The following ADAMTS2 variants were observed in gnomAD, a reference collection of about 807,000 sequenced individuals.
ADAMTS2 encodes A disintegrin and metalloproteinase with thrombospondin motifs 2.
A neutral mutation model predicts 123.0 loss-of-function variants in ADAMTS2; 50 were observed. The observed-to-expected ratio is 0.41, with a 90% CI of 0.32 to 0.51. ADAMTS2 has a LOEUF of 0.51. Ranked by LOEUF, ADAMTS2 falls within the 20% of genes least tolerant of loss-of-function variation. The probability of loss-of-function intolerance (pLI) is 0.35; values close to 1 mark genes in which losing one functional copy is unlikely to be tolerated. For synonymous variants in ADAMTS2, 678 were observed against 695.4 expected, an observed-to-expected ratio of 0.98 and a Z score of 0.39; for missense variants, 1,494 against 1,705.2, an observed-to-expected ratio of 0.88 and a Z score of 2.18.
At chr5:179,156,819 T>A (rs1378257414) in intron 6 of ADAMTS2, among the ~76,000 whole-genome samples, 1 of 152,212 alleles carries the variant, frequency 6.6e-6, no homozygotes, top group Non-Finnish European at 1.5e-5. Context: ...GTCTCTAAAT[T>A]ATCTCTATTT....
rs1050770059 is a variant in ADAMTS2, at chr5:179,272,043, C to G, written c.688+868G>C. ...TGAGGGCTGAGCTCGCAGCTTCCCA[C>G]TCTCCCAGCAAGAGCCAAGCACAGG... On this transcript the variant is annotated intron_variant, in intron 3 of 21. Transcript: ENST00000251582. This position sits in a 1 kb window ranked among gnomAD's most constrained non-coding sequence, Gnocchi z 5.8. Among the ~76,000 whole-genome samples, 5 of 152,222 alleles carry G rather than the reference C, an allele frequency of 3.3e-5. No homozygotes were observed. The highest frequency in any genetic ancestry group is 7.3e-5 in the Non-Finnish European group (5 of 68,034).
At chr5:179,229,476 C>T (rs781497603) in intron 3 of ADAMTS2, among the ~76,000 whole-genome samples, 109 of 130,590 alleles carry the variant, frequency 8.3e-4, no homozygotes, top group Non-Finnish European at 1.5e-3. Flanking sequence ...GCCCACTCCA[C>T]AAACATGAGA....
intron 3 of ADAMTS2, among the ~76,000 whole-genome samples, chr5:179,246,942 A>C (rs1765813751): frequency 6.6e-6 from 1 of 151,728 alleles, no homozygotes; most frequent in African/African-American, 2.4e-5. Flanking sequence ...TGATTTCCAG[A>C]GTCTCCACAT....
chr5:179,306,365 A>C (rs1756673679), intron 2 of ADAMTS2, among the ~76,000 whole-genome samples: 1 of 152,226 alleles, frequency 6.6e-6, no homozygotes, highest in South Asian at 2.1e-4. Context: ...AGGAAAAAAA[A>C]TATGCTTATA....
intron 3 of ADAMTS2, among the ~76,000 whole-genome samples, chr5:179,265,501 G>A (rs114143586): frequency 2.6e-5 from 4 of 152,168 alleles, no homozygotes; most frequent in South Asian, 2.1e-4. Context: ...CCCAGCCCTC[G>A]CTGGGGCTGC....
At chr5:179,191,735 GT>G (rs1764311983) in intron 4 of ADAMTS2, among the ~76,000 whole-genome samples, 1 of 152,172 alleles carries the variant, frequency 6.6e-6, no homozygotes, top group Non-Finnish European at 1.5e-5. Flanking sequence ...AGTCCCCGGG[GT>G]TCTGGGCTCC....
In ADAMTS2 at chr5:179,268,025, G is replaced by C. The variant is rs74779923; in HGVS notation, c.688+4886C>G. Among the ~76,000 whole-genome samples, 331 of 152,344 alleles carry C rather than the reference G, an allele frequency of 2.2e-3. 2 individuals carry two copies. Among genetic ancestry groups the C allele is most frequent in the African/African-American group, 7.7e-3 (322 of 41,586 alleles). ...GCTCAGCGCCGTGGCTGGATTCCTGGAGCCTTCTCAGTTCATCCTCTCATT... is the reference window on the plus strand; with the variant it reads ...GCTCAGCGCCGTGGCTGGATTCCTGCAGCCTTCTCAGTTCATCCTCTCATT... On this transcript the variant is annotated intron_variant, in intron 3 of 21. Coordinates refer to ENST00000251582, the MANE Select transcript of ADAMTS2 (RefSeq NM_014244.5).
chr5:179,306,297 CAG>C (rs1756670251), intron 2 of ADAMTS2, among the ~76,000 whole-genome samples: 1 of 152,264 alleles, frequency 6.6e-6, no homozygotes, highest in Admixed American at 6.5e-5. Flanking sequence ...CCTGGATTTG[CAG>C]AGTCTGGCAC....
At position 179,132,905 on chromosome 5, in the gene ADAMTS2, T is replaced by G. The variant is rs770697326; in HGVS notation, c.2086-5A>C. 3.5e-5 allele frequency: 56 copies of G among 1,613,396 alleles called. 1 individual carries two copies. The South Asian group carries it at 6.2e-4, about 18-fold the overall frequency. On this transcript the variant is annotated splice_region_variant and splice_polypyrimidine_tract_variant and intron_variant, in intron 13 of 21. Coordinates refer to ENST00000251582, the MANE Select transcript of ADAMTS2 (RefSeq NM_014244.5). The surrounding 1 kb of genome is among the most constrained non-coding windows in gnomAD (Gnocchi z 6.1). The stretch of plus-strand genomic sequence containing the variant: ...CACACCGTCACAGCCCACCTTCTGT[T>G]GGGGGAGGAGGCAGTGAGCACTTGA...
rs1471545288 is a variant in ADAMTS2 at position 179,175,943 on chromosome 5, T to A, written c.975+5129A>T. 6.6e-6 allele frequency among the ~76,000 whole-genome samples: 1 copy of A among 152,030 alleles called. No individual in the cohort carries two copies. Among genetic ancestry groups the A allele is most frequent in the Non-Finnish European group, 1.5e-5 (1 of 68,012 alleles). ...GGAGAAAGTTTTCAGAGACCACCTG[T>A]ACTGCTCGGACTCTCGGAGGTACAC... On this transcript the variant is annotated intron_variant, in intron 5 of 21. Transcript: ENST00000251582. This position sits in a 1 kb window ranked among gnomAD's most constrained non-coding sequence, Gnocchi z 4.1.
chr5:179,333,619 T>TTA (rs1443376297), intron 2 of ADAMTS2, among the ~76,000 whole-genome samples: 1 of 143,012 alleles, frequency 7.0e-6, no homozygotes, highest in Admixed American at 7.0e-5. Flanking sequence ...TTTTTTTTTT[T>TTA]AGACAGAGTC....
chr5:179,253,358 T>C (rs1444133647), intron 3 of ADAMTS2, among the ~76,000 whole-genome samples: 1 of 152,110 alleles, frequency 6.6e-6, no homozygotes, highest in Admixed American at 6.5e-5. Flanking sequence ...AAAAAAGACA[T>C]CCCGGCCGGG....
rs993133170 is a variant in ADAMTS2, at chr5:179,155,244, G to A, written c.1133-325C>T. ...CTGACACCTGACTTTCCTGCCTGCCGTTCTCTTTCACGCCACCTGCCTCTG... is the reference window on the plus strand; with the variant it reads ...CTGACACCTGACTTTCCTGCCTGCCATTCTCTTTCACGCCACCTGCCTCTG... On this transcript the variant is annotated intron_variant, in intron 6 of 21. Transcript: ENST00000251582. The surrounding 1 kb of genome is among the most constrained non-coding windows in gnomAD (Gnocchi z 5.1). 7.9e-5 allele frequency among the ~76,000 whole-genome samples: 12 copies of A among 152,270 alleles called. No individual in the cohort carries two copies. Among genetic ancestry groups the A allele is most frequent in the South Asian group, 6.2e-4 (3 of 4,826 alleles).
intron 2 of ADAMTS2, among the ~76,000 whole-genome samples, chr5:179,292,183 C>CG (rs35974959): frequency 6.6e-6 from 1 of 151,872 alleles, no homozygotes; most frequent in Non-Finnish European, 1.5e-5. Context: ...CCGGCATTCC[C>CG]GGGGGCAGAG....
At chr5:179,134,032 A>G (rs1763011131) in intron 13 of ADAMTS2, among the ~76,000 whole-genome samples, 1 of 152,050 alleles carries the variant, frequency 6.6e-6, no homozygotes, top group Non-Finnish European at 1.5e-5. Flanking sequence ...TTTAATACCC[A>G]TGTCAGGAGT....
intron 3 of ADAMTS2, among the ~76,000 whole-genome samples, chr5:179,215,005 A>G (rs1254329223): frequency 7.2e-5 from 11 of 152,266 alleles, no homozygotes; most frequent in Non-Finnish European, 1.5e-5. Flanking sequence ...TTCATCCGGA[A>G]GACCACACCA....
At chr5:179,126,727 C>T (rs556977327) in intron 17 of ADAMTS2, among the ~76,000 whole-genome samples, 20 of 152,204 alleles carry the variant, frequency 1.3e-4, no homozygotes, top group African/African-American at 3.9e-4. Flanking sequence ...GCCCAGGCTT[C>T]GAAACCCTGG....
rs34865831 is a variant in ADAMTS2, at chr5:179,158,186, C to T, written c.1132+537G>A. Among the ~76,000 whole-genome samples, 31,954 of 152,008 alleles carry T rather than the reference C, an allele frequency of 0.21. 3,902 individuals are homozygous for T. The highest frequency in any genetic ancestry group is 0.33 in the East Asian group (1,708 of 5,148). ...TTCACCATGTTAGCCAAGATGGTCTCGATCTCCTGACCTCGTGATCTACCT... is the reference window on the plus strand; with the variant it reads ...TTCACCATGTTAGCCAAGATGGTCTTGATCTCCTGACCTCGTGATCTACCT... On this transcript the variant is annotated intron_variant, in intron 6 of 21. Transcript: ENST00000251582. The surrounding 1 kb of genome is among the most constrained non-coding windows in gnomAD (Gnocchi z 5.0).
At position 179,189,592 on chromosome 5, in the gene ADAMTS2, C is replaced by G. The variant is rs1764256926; in HGVS notation, c.892-8437G>C. Among the ~76,000 whole-genome samples, 1 of 130,948 alleles carries G rather than the reference C, an allele frequency of 7.6e-6. No homozygotes were observed. Among genetic ancestry groups the G allele is most frequent in the Admixed American group, 9.1e-5 (1 of 10,974 alleles). 85.9% of individuals were successfully genotyped at this position (130,948 alleles called of 152,430 possible). On this transcript the variant is annotated intron_variant, in intron 4 of 21. Coordinates refer to ENST00000251582, the MANE Select transcript of ADAMTS2 (RefSeq NM_014244.5). This position sits in a 1 kb window ranked among gnomAD's most constrained non-coding sequence, Gnocchi z 4.2. ...CAGGATGGTCTTGATCTCCTGACTT[C>G]ATGATCTGCCCGCCTCGGCCTCCCA...
Sources: allele counts gnomAD v4.1 joint callset (sites outside exome capture counted in the v4.1 genomes callset), GRCh38; gene constraint gnomAD v4.1.1; non-coding constraint Gnocchi (gnomAD v3.1); transcripts MANE v1.5; gene names NCBI Gene and HGNC (gene_info 2026-07-23, HGNC 2026-07-21).